Variants in EYA2 observed in about 807,000 individuals in gnomAD.
EYA2 encodes the protein EYA transcriptional coactivator and phosphatase 2.
EYA2 carries 31 observed loss-of-function variants against 69.2 expected under a neutral mutation model. That is an observed-to-expected ratio of 0.45 (90% confidence interval 0.34 to 0.60). EYA2 has a LOEUF of 0.60. EYA2 is among the 20% of genes least tolerant of loss of function. The probability of loss-of-function intolerance (pLI) is 0.02; values close to 1 mark genes in which losing one functional copy is unlikely to be tolerated. For synonymous variants in EYA2, 257 were observed against 279.4 expected, an observed-to-expected ratio of 0.92 and a Z score of 0.80; for missense variants, 622 against 701.2, an observed-to-expected ratio of 0.89 and a Z score of 1.28.
intron 9 of EYA2, among the ~76,000 whole-genome samples, chr20:47,113,181 G>A (rs1009611558): frequency 2.6e-5 from 4 of 152,000 alleles, no homozygotes; most frequent in Non-Finnish European, 4.4e-5. Flanking sequence ...CAGATTTTAC[G>A]TCCAAATGCA....
Position 47,089,351 on chromosome 20 carries a change from C to T in EYA2, c.774C>T (p.Asp258=), listed in dbSNP as rs146578779. The change falls in exon 8 of 16, where the codon GAC becomes GAT. Residue 258 remains aspartate (D), a synonymous_variant. Coordinates refer to ENST00000327619, the MANE Select transcript of EYA2 (RefSeq NM_005244.5). The part of the protein sequence containing the change: ...KLRGRSKRSS[D]PSPAGDNEIE... ...GAGGCCGGTCTAAGAGGAGCAGTGA[C>T]CCGTCCCCGGCAGGGGACAATGAGA... is the stretch of plus-strand genomic sequence containing the variant. 5.0e-6 allele frequency: 8 copies of T among 1,614,018 alleles called. No individual in the cohort carries two copies. In the African/African-American group the frequency reaches 9.3e-5, roughly 19 times the overall value.
intron 1 of EYA2, among the ~76,000 whole-genome samples, chr20:46,954,376 A>AG (rs920937776): frequency 6.6e-6 from 1 of 152,204 alleles, no homozygotes; most frequent in Non-Finnish European, 1.5e-5. Flanking sequence ...GGAGGAAGGA[A>AG]GGGGGGCAAA....
At chr20:47,084,948 G>A (rs2031846832) in intron 7 of EYA2, among the ~76,000 whole-genome samples, 1 of 151,310 alleles carries the variant, frequency 6.6e-6, no homozygotes, top group African/African-American at 2.4e-5. Context: ...TGATCCTCTG[G>A]CCTCAGCCTC....
chr20:47,072,447 G>C (rs2031350419), intron 6 of EYA2, among the ~76,000 whole-genome samples, 195 bp downstream of exon 6: 2 of 152,148 alleles, frequency 1.3e-5, no homozygotes, highest in Non-Finnish European at 2.9e-5. Context: ...CGGAGACGTA[G>C]GAATTGTTAG....
At chr20:47,058,526 G>C (rs1348797601) in intron 5 of EYA2, among the ~76,000 whole-genome samples, 2 of 152,170 alleles carry the variant, frequency 1.3e-5, no homozygotes, top group African/African-American at 4.8e-5. Context: ...TGACCCTGGG[G>C]GAGTCAGTAG....
At chr20:46,949,303 T>C (rs370357060) in intron 1 of EYA2, among the ~76,000 whole-genome samples, 2 of 152,364 alleles carry the variant, frequency 1.3e-5, no homozygotes, top group African/African-American at 4.8e-5. Context: ...TGGGAAAATC[T>C]GAAGTTAACA....
intron 1 of EYA2, among the ~76,000 whole-genome samples, chr20:46,910,154 A>G (rs1984571718): frequency 6.6e-6 from 1 of 152,218 alleles, no homozygotes; most frequent in Non-Finnish European, 1.5e-5. Flanking sequence ...ATTGGCTCAC[A>G]GTTCCACAGG....
At position 47,098,499 on chromosome 20, in the gene EYA2, G is replaced by T. The variant is rs531153211; in HGVS notation, c.888+1331G>T. On this transcript the variant is annotated intron_variant, in intron 9 of 15. Coordinates refer to ENST00000327619, the MANE Select transcript of EYA2 (RefSeq NM_005244.5). ...CTCCGTGCAACAACTCACTTAGTAT[G>T]GATTGTGTAGGGATGTGTGATCTTG... is the stretch of plus-strand genomic sequence containing the variant. 7.9e-5 allele frequency among the ~76,000 whole-genome samples: 12 copies of T among 152,336 alleles called. No homozygotes were observed. In the South Asian group the frequency reaches 2.5e-3, roughly 32 times the overall value.
chr20:47,094,622 A>C (rs536310259), intron 8 of EYA2, among the ~76,000 whole-genome samples: 1 of 152,376 alleles, frequency 6.6e-6, no homozygotes, highest in South Asian at 2.1e-4. Flanking sequence ...TCAAGATTGC[A>C]TACTGGGGAG....
At chr20:47,036,848 T>C (rs1297273574) in intron 5 of EYA2, among the ~76,000 whole-genome samples, 1 of 152,222 alleles carries the variant, frequency 6.6e-6, no homozygotes, top group Non-Finnish European at 1.5e-5. Flanking sequence ...CTGCCAGTTA[T>C]CAACTATGTG....
chr20:47,126,808 G>A lies in EYA2; in HGVS notation c.889-16251G>A, dbSNP rs530595318. On this transcript the variant is annotated intron_variant, in intron 9 of 15. Coordinates refer to ENST00000327619, the MANE Select transcript of EYA2 (RefSeq NM_005244.5). ...GGAGACATTTTTGACTGTCACAACT[G>A]GGTAGGCGTGCTACTGAATTTAGTG... Among the ~76,000 whole-genome samples, 8 of 152,278 alleles carry A rather than the reference G, an allele frequency of 5.3e-5. 1 individual carries two copies. The South Asian group carries it at 1.7e-3, about 32-fold the overall frequency.
chr20:47,096,792 G>T (rs2032259526), intron 8 of EYA2, among the ~76,000 whole-genome samples: 1 of 152,172 alleles, frequency 6.6e-6, no homozygotes, highest in Non-Finnish European at 1.5e-5. Context: ...GATTTTCGTT[G>T]TTGATTTTGG....
At chr20:47,153,781 G>A (rs2033869544) in intron 10 of EYA2, among the ~76,000 whole-genome samples, 3 of 152,114 alleles carry the variant, frequency 2.0e-5, no homozygotes, top group East Asian at 2.0e-4. Flanking sequence ...GCCTGGCACC[G>A]TGGAAGGAAT....
intron 1 of EYA2, among the ~76,000 whole-genome samples, chr20:46,943,188 G>C (rs539341492): frequency 1.3e-5 from 2 of 152,262 alleles, no homozygotes; most frequent in East Asian, 3.9e-4. Flanking sequence ...GGCGTGCTGC[G>C]GGCGCCTAGT....
At chr20:46,940,885 G>A (rs1002088703) in intron 1 of EYA2, among the ~76,000 whole-genome samples, 2 of 152,224 alleles carry the variant, frequency 1.3e-5, no homozygotes, top group Non-Finnish European at 2.9e-5. Flanking sequence ...CCGCAGAACG[G>A]GGCCAGTGAC....
chr20:47,099,919 A>G (rs1039883660), intron 9 of EYA2, among the ~76,000 whole-genome samples: 2 of 152,192 alleles, frequency 1.3e-5, no homozygotes, highest in South Asian at 2.1e-4. Context: ...CGCAGTACAC[A>G]GGGCAGAATT....
chr20:47,162,729 G>A (rs2034095584), intron 10 of EYA2, among the ~76,000 whole-genome samples: 1 of 151,896 alleles, frequency 6.6e-6, no homozygotes, highest in East Asian at 1.9e-4. Context: ...ATGTTGTCCA[G>A]GCTGGTCTCA....
intron 1 of EYA2, among the ~76,000 whole-genome samples, chr20:46,953,704 A>G (rs11696503): frequency 0.23 from 34,303 of 152,148 alleles, 4,632 homozygotes; most frequent in South Asian, 0.34. Flanking sequence ...GACATTGCCA[A>G]CTGTCCACTG....
chr20:47,126,723 T>G (rs1174999235), intron 9 of EYA2, among the ~76,000 whole-genome samples: 2 of 152,210 alleles, frequency 1.3e-5, no homozygotes, highest in African/African-American at 4.8e-5. Flanking sequence ...AAAAATCATT[T>G]AGAGGAGTGA....
Sources: gnomAD v4.1 joint callset for allele counts (sites outside exome capture counted in the v4.1 genomes callset) on GRCh38, gnomAD v4.1.1 for gene constraint, MANE v1.5 for transcripts, NCBI Gene and HGNC (gene_info 2026-07-23, HGNC 2026-07-21) for gene names.